HECTD4: variants seen among roughly 807,000 people sequenced by gnomAD.
HECTD4 encodes the protein probable E3 ubiquitin-protein ligase HECTD4.
HECTD4 carries 114 observed loss-of-function variants against 471.5 expected under a neutral mutation model. That is an observed-to-expected ratio of 0.24 (90% CI 0.21 to 0.28). HECTD4 has a LOEUF of 0.28. Ranked by LOEUF, HECTD4 falls within the 10% of genes least tolerant of loss-of-function variation. The pLI is 1.00. For synonymous variants in HECTD4, 2,012 were observed against 2,256.0 expected (o/e 0.89, Z 3.07); for missense variants, 3,866 against 5,651.5 (o/e 0.68, Z 10.13).
At chr12:112,226,541 T>C (rs927052710) in intron 44 of HECTD4, 102 bp downstream of exon 44, 2 of 645,894 alleles carry the variant, frequency 3.1e-6, no homozygotes, top group African/African-American at 3.6e-5. Context: ...CTCGGCTGTT[T>C]TGATGTGTGT....
In HECTD4 at chr12:112,319,633, G is replaced by A; in HGVS notation, c.287C>T (p.Ala96Val). The change falls in exon 2 of 76, where the codon GCC becomes GTC. Residue 96 changes from alanine to valine, a missense_variant. By Grantham distance (64) the Ala-to-Val change is moderately conservative. Around this residue, in one of 16 missense-constraint regions of HECTD4, gnomAD observed 440 missense variants for 636.0 expected, o/e 0.69. Coordinates refer to ENST00000682272, the MANE Select transcript of HECTD4 (RefSeq NM_001388303.1). The surrounding 1 kb of genome is among the most constrained non-coding windows in gnomAD (Gnocchi z 5.3). ...YARLLEYRLNALRGLWNAQRQ... is the reference protein window; with the variant it reads ...YARLLEYRLNVLRGLWNAQRQ... ...CTGGGCATTCCACAGTCCTCGCAAG[G>A]CATTCAGGCGGTATTCCAGCAGCCG... 1 of 1,376,176 alleles carries A rather than the reference G, an allele frequency of 7.3e-7. No individual in the cohort carries two copies. Among genetic ancestry groups the A allele is most frequent in the Non-Finnish European group, 9.4e-7 (1 of 1,068,294 alleles). The allele number at this position is 1,376,176 out of a possible 1,614,324, so 85.2% of individuals were successfully genotyped here.
intron 49 of HECTD4, 106 bp from the exon 50 acceptor site, chr12:112,210,358 G>A (rs1158291088): frequency 9.3e-6 from 11 of 1,189,014 alleles, no homozygotes; most frequent in African/African-American, 3.0e-5. Context: ...AGAATAGCCC[G>A]AGGTGTGTGC....
chr12:112,214,300 T>G (rs1030420466), intron 48 of HECTD4, among the ~76,000 whole-genome samples: 4 of 152,160 alleles, frequency 2.6e-5, no homozygotes, highest in Admixed American at 1.3e-4. Context: ...CCTTATAATT[T>G]ATCTTTTGTA....
At chr12:112,345,934 G>A (rs1401986888) in intron 1 of HECTD4, among the ~76,000 whole-genome samples, 1 of 152,150 alleles carries the variant, frequency 6.6e-6, no homozygotes, top group Non-Finnish European at 1.5e-5. Flanking sequence ...AAGCAAACAT[G>A]GATCTTTCCT....
chr12:112,294,472 C>G (rs971413865), intron 7 of HECTD4, among the ~76,000 whole-genome samples: 9 of 152,100 alleles, frequency 5.9e-5, no homozygotes, highest in Non-Finnish European at 1.2e-4. Flanking sequence ...GAAACAGGTA[C>G]TTTTTAAAAT....
At chr12:112,357,974 A>G (rs1490083028) in intron 1 of HECTD4, among the ~76,000 whole-genome samples, 1 of 152,182 alleles carries the variant, frequency 6.6e-6, no homozygotes. Context: ...AAGCCGAGGC[A>G]GGCGGATCAC....
intron 44 of HECTD4, among the ~76,000 whole-genome samples, chr12:112,223,802 T>C (rs912302462): frequency 2.0e-5 from 3 of 152,164 alleles, no homozygotes; most frequent in African/African-American, 7.2e-5. Flanking sequence ...CTTCTTTAGA[T>C]AGAGACGCTA....
chr12:112,380,337 C>T (rs1399051915), intron 1 of HECTD4, among the ~76,000 whole-genome samples: 1 of 151,722 alleles, frequency 6.6e-6, no homozygotes, highest in Admixed American at 6.6e-5. Flanking sequence ...CCCAGCAACT[C>T]GGGAGGCAGA....
chr12:112,259,222 G>A lies in HECTD4; in HGVS notation c.2917C>T (p.His973Tyr), dbSNP rs1265977719. The A allele has an allele frequency of 3.1e-6, 5 of 1,613,736 alleles. No individual in the cohort carries two copies. In the African/African-American group the frequency reaches 6.7e-5, roughly 22 times the overall value. Residue 973 changes from histidine (H) to tyrosine (Y), a missense_variant, in exon 19 of 76, where the codon CAC becomes TAC. His to Tyr is a moderately conservative substitution (Grantham distance 83). Transcript: ENST00000682272. ...EQVTKATMLG[H>Y]LLPVLLTSLM... is the part of the protein sequence containing the mutation. ...GAGGTCAGTAACACTGGAAGAAGGTGACCAAGCATAGTAGCCTTAGTAACT... is the reference window on the plus strand; with the variant it reads ...GAGGTCAGTAACACTGGAAGAAGGTAACCAAGCATAGTAGCCTTAGTAACT...
chr12:112,309,587 C>G lies in HECTD4; in HGVS notation c.999G>C (p.Leu333Phe). 12 of 1,521,412 alleles carry G rather than the reference C, an allele frequency of 7.9e-6. No individual in the cohort carries two copies. Among genetic ancestry groups the G allele is most frequent in the Non-Finnish European group, 8.8e-6 (10 of 1,132,790 alleles). 94.2% of individuals were successfully genotyped at this position (1,521,412 alleles called of 1,614,324 possible). ...TNSVGRGVSKLGSGLHGTLRG... is the reference protein window; with the variant it reads ...TNSVGRGVSKFGSGLHGTLRG... Reference sequence around the variant, plus strand: ...TGAGAGTACCATGTAATCCAGATCCCAATTTGCTTACTCCTCTTCCAACTG... The same window carrying G: ...TGAGAGTACCATGTAATCCAGATCCGAATTTGCTTACTCCTCTTCCAACTG... The change falls in exon 5 of 76, where the codon TTG becomes TTC. Residue 333 changes from leucine to phenylalanine, a missense_variant. Around this residue, in one of 16 missense-constraint regions of HECTD4, gnomAD observed 440 missense variants for 636.0 expected, o/e 0.69. Transcript: ENST00000682272.
At chr12:112,258,770 G>A in intron 19 of HECTD4, 174 bp from the exon 20 acceptor site, 1 of 575,038 alleles carries the variant, frequency 1.7e-6, no homozygotes, top group Non-Finnish European at 3.0e-6. Flanking sequence ...ACTTAATGCT[G>A]TAATGGAATG....
At chr12:112,346,117 G>A (rs1001235971) in intron 1 of HECTD4, among the ~76,000 whole-genome samples, 1 of 152,192 alleles carries the variant, frequency 6.6e-6, no homozygotes, top group African/African-American at 2.4e-5. Context: ...TTTCACAGGT[G>A]AGAAAACTGC....
chr12:112,221,382 G>C (rs544811537), intron 44 of HECTD4, among the ~76,000 whole-genome samples: 1 of 152,046 alleles, frequency 6.6e-6, no homozygotes, highest in Non-Finnish European at 1.5e-5. Flanking sequence ...CCGAGTAGCT[G>C]GGACTACAAG....
chr12:112,289,706 T>C (rs765617038), intron 7 of HECTD4, among the ~76,000 whole-genome samples: 5 of 152,148 alleles, frequency 3.3e-5, no homozygotes, highest in Non-Finnish European at 7.4e-5. Context: ...TGAGACAGTC[T>C]CACTCTGTCA....
At chr12:112,233,214 C>CTTTTTTTTT (rs546999938) in intron 37 of HECTD4, 129 bp from the exon 38 acceptor site, 1 of 218,040 alleles carries the variant, frequency 4.6e-6, no homozygotes, top group Non-Finnish European at 8.5e-6. Flanking sequence ...CTAACATTAG[C>CTTTTTTTTT]TTTTTTTTTT....
chr12:112,160,506 G>T lies in HECTD4; in HGVS notation c.*1881C>A, dbSNP rs1329537765. 2 of 152,076 alleles carry T rather than the reference G, an allele frequency of 1.3e-5. No individual in the cohort carries two copies. The highest frequency in any genetic ancestry group is 2.9e-5 in the Non-Finnish European group (2 of 68,026). The allele number at this position is 152,076 out of a possible 1,614,324, so 9.4% of individuals were successfully genotyped here. A position where few individuals can be genotyped will look rare whatever the true frequency, so the allele number is the denominator to read the frequency against. On this transcript the variant is annotated 3_prime_UTR_variant, in exon 76 of 76. Coordinates refer to ENST00000682272, the MANE Select transcript of HECTD4 (RefSeq NM_001388303.1). ...TAGGGCCAAGGTTTGGATCTGTCTG[G>T]ACCTCAATGTGCTCTCGGAGAAGCA...
chr12:112,197,196 G>A (rs1391688545), intron 55 of HECTD4, among the ~76,000 whole-genome samples: 1 of 152,180 alleles, frequency 6.6e-6, no homozygotes, highest in Non-Finnish European at 1.5e-5. Flanking sequence ...ACAGGCGTGA[G>A]CCACTGCGCC....
Position 112,247,533 on chromosome 12 carries a change from T to C in HECTD4, c.4266A>G (p.Leu1422=). The change falls in exon 28 of 76, where the codon CTA becomes CTG. Residue 1422 remains leucine, a synonymous_variant. Transcript: ENST00000682272. ...YHFNENKMKE[L]ELLCSMKEVS... ...CTTCCTTCATTGAACATAAAAGTTC[T>C]AGTTCTTTCATTTTGTTCTAAAGAA... 1.3e-6 allele frequency: 2 copies of C among 1,516,396 alleles called. No homozygotes were observed. Among genetic ancestry groups the C allele is most frequent in the East Asian group, 2.5e-5 (1 of 40,800 alleles). The allele number at this position is 1,516,396 out of a possible 1,614,324, so 93.9% of individuals were successfully genotyped here.
In HECTD4 at chr12:112,178,983, G is replaced by A. The variant is rs746100031; in HGVS notation, c.11311C>T (p.Arg3771Trp). ...TTGGCGGGCGGCTTGGTGATAGGCC[G>A]CTTGGTGCTCACCACCTTCACGGGG... ...QHPVKVVSTKRPITKPPAKDK... is the reference protein window; with the variant it reads ...QHPVKVVSTKWPITKPPAKDK... The change falls in exon 64 of 76, where the codon CGG becomes TGG. Residue 3771 changes from arginine to tryptophan, a missense_variant. By Grantham distance (101) the Arg-to-Trp change is moderately radical. Transcript: ENST00000682272. The A allele has an allele frequency of 5.0e-6, 8 of 1,612,942 alleles. No individual in the cohort carries two copies. The highest frequency in any genetic ancestry group is 6.8e-6 in the Non-Finnish European group (8 of 1,179,664).
Sources: gnomAD v4.1 joint callset for allele counts (sites outside exome capture counted in the v4.1 genomes callset) on GRCh38, gnomAD v4.1.1 for gene constraint, gnomAD v4.1.1 regional missense constraint, Gnocchi (gnomAD v3.1) non-coding constraint, MANE v1.5 for transcripts, NCBI Gene and HGNC (gene_info 2026-07-23, HGNC 2026-07-21) for gene names.